PIEZO1: variants seen among roughly 807,000 people sequenced by gnomAD.
The protein encoded by PIEZO1 is piezo type mechanosensitive ion channel component 1 (Er blood group), also known as piezo-type mechanosensitive ion channel component 1.
Under a neutral mutation model 297.2 loss-of-function variants are expected in PIEZO1, and 296 were observed. That is an observed-to-expected ratio of 1.00 (90% confidence interval 0.91 to 1.10). The LOEUF is 1.10. Among genes scored for constraint, PIEZO1 ranks in the 50% least tolerant of loss-of-function variants. The pLI is 0.00. For missense variants in PIEZO1, 5,018 were observed against 3,455.5 expected, an observed-to-expected ratio of 1.45 and a Z score of -11.34; for synonymous variants, 2,427 against 1,507.5, an observed-to-expected ratio of 1.61 and a Z score of -14.13.
Position 88,727,066 on chromosome 16 carries a change from T to G in PIEZO1, c.3428A>C (p.Asn1143Thr). 1 of 1,549,432 alleles carries G rather than the reference T, an allele frequency of 6.5e-7. No homozygotes were observed. The highest frequency in any genetic ancestry group is 8.7e-7 in the Non-Finnish European group (1 of 1,146,292). ...GCAGTGGATAAAGTTGGGCACGGGG[T>G]TGGGCTCCCCCCGCAGCGGCTCCAG... ...DRLEPLRGEP[N>T]PVPNFIHCRS... Residue 1143 changes from asparagine (N) to threonine (T), a missense_variant, in exon 24 of 51, where the codon AAC becomes ACC. Transcript: ENST00000301015.
At chr16:88,768,222 C>T (rs1567692795) in intron 1 of PIEZO1, among the ~76,000 whole-genome samples, 1 of 152,236 alleles carries the variant, frequency 6.6e-6, no homozygotes, top group Non-Finnish European at 1.5e-5. Context: ...GGCACACTGC[C>T]TGGGCCTCGC....
Position 88,716,293 on chromosome 16 carries a change from G to A in PIEZO1, c.7050-16C>T. The A allele has an allele frequency of 1.3e-6, 2 of 1,489,134 alleles. No homozygotes were observed. The highest frequency in any genetic ancestry group is 1.4e-5 in the African/African-American group (1 of 71,658). The allele number at this position is 1,489,134 out of a possible 1,614,324, so 92.2% of individuals were successfully genotyped here. On this transcript the variant is annotated splice_polypyrimidine_tract_variant and intron_variant, in intron 48 of 50. Coordinates refer to ENST00000301015, the MANE Select transcript of PIEZO1 (RefSeq NM_001142864.4). ...AGGGATGACCCTGCAGGGAGGTGCTGGCAGGTCAGGCCTGGCCCAGCCAAC... is the reference window on the plus strand; with the variant it reads ...AGGGATGACCCTGCAGGGAGGTGCTAGCAGGTCAGGCCTGGCCCAGCCAAC...
At chr16:88,752,673 G>A (rs1459677547) in intron 1 of PIEZO1, among the ~76,000 whole-genome samples, 1 of 152,104 alleles carries the variant, frequency 6.6e-6, no homozygotes, top group Non-Finnish European at 1.5e-5. Flanking sequence ...CCCTGCCCCT[G>A]GCCGAGCCAG....
At chr16:88,780,577 C>T (rs1377758560) in intron 1 of PIEZO1, among the ~76,000 whole-genome samples, 1 of 152,240 alleles carries the variant, frequency 6.6e-6, no homozygotes, top group African/African-American at 2.4e-5. Context: ...GGCTTCTAAA[C>T]TGCTCTGTGA....
chr16:88,733,147 C>T lies in PIEZO1; in HGVS notation c.2664+131G>A, dbSNP rs930976555. 31 of 854,812 alleles carry T rather than the reference C, an allele frequency of 3.6e-5. 1 individual carries two copies. The highest frequency in any genetic ancestry group is 1.1e-4 in the Admixed American group (4 of 35,932). 53.0% of individuals were successfully genotyped at this position (854,812 alleles called of 1,614,324 possible). On this transcript the variant is annotated intron_variant, in intron 19 of 50. Transcript: ENST00000301015. ...TGCTGCCTCCAGGAAGCCCCCTTGG[C>T]GCCCCCAGGGGAGAGTCCTCCATCT...
At chr16:88,757,979 G>A (rs1357232446) in intron 1 of PIEZO1, among the ~76,000 whole-genome samples, 5 of 152,080 alleles carry the variant, frequency 3.3e-5, no homozygotes, top group East Asian at 1.9e-4. Context: ...ACACCCCTCC[G>A]CCACCCTCTG....
intron 1 of PIEZO1, among the ~76,000 whole-genome samples, chr16:88,757,050 T>C (rs1906698094): frequency 6.6e-6 from 1 of 152,130 alleles, no homozygotes; most frequent in African/African-American, 2.4e-5. Context: ...CACTCCAGCC[T>C]GGGCGACAGA....
At position 88,716,867 on chromosome 16, in the gene PIEZO1, G is replaced by C. The variant is rs575482829; in HGVS notation, c.6692C>G (p.Ser2231Cys). ...PLFTMSAQQP[S>C]IIPFTAQAYE... ...GGCCTGGGCCGTGAAGGGGATGATGGACGGCTGCTGGGCGCTCATGGTGAA... is the reference window on the plus strand; with the variant it reads ...GGCCTGGGCCGTGAAGGGGATGATGCACGGCTGCTGGGCGCTCATGGTGAA... The change falls in exon 46 of 51, where the codon TCC becomes TGC. Residue 2231 changes from serine (S) to cysteine (C), a missense_variant. Ser to Cys is a moderately radical substitution (Grantham distance 112, BLOSUM62 -1). Transcript: ENST00000301015. 8 of 1,549,940 alleles carry C rather than the reference G, an allele frequency of 5.2e-6. No individual in the cohort carries two copies. In the African/African-American group the frequency reaches 9.6e-5, roughly 19 times the overall value.
intron 1 of PIEZO1, among the ~76,000 whole-genome samples, chr16:88,771,268 C>T (rs142753461): frequency 1.5e-3 from 225 of 152,352 alleles, no homozygotes; most frequent in African/African-American, 5.0e-3. Context: ...CTCTTAAGGA[C>T]GAAGTGCTGG....
In PIEZO1 at chr16:88,715,959, C is replaced by G; in HGVS notation, c.7290G>C (p.Pro2430=). The G allele has an allele frequency of 6.5e-7, 1 of 1,549,870 alleles. No individual in the cohort carries two copies. Among genetic ancestry groups the G allele is most frequent in the Non-Finnish European group, 8.7e-7 (1 of 1,146,658 alleles). ...CGTAGCCAGCCAGGAAGCCGAGGCTCGGTGGGCTGACCTTGTCACTGAAAA... is the reference window on the plus strand; with the variant it reads ...CGTAGCCAGCCAGGAAGCCGAGGCTGGGTGGGCTGACCTTGTCACTGAAAA... The part of the protein sequence containing the change: ...MVIFSDKVSP[P]SLGFLAGYGI... Residue 2430 remains proline, a synonymous_variant, in exon 50 of 51, where the codon CCG becomes CCC. Coordinates refer to ENST00000301015, the MANE Select transcript of PIEZO1 (RefSeq NM_001142864.4).
intron 1 of PIEZO1, among the ~76,000 whole-genome samples, chr16:88,782,950 C>T (rs1049442683): frequency 1.8e-4 from 27 of 152,340 alleles, no homozygotes; most frequent in Non-Finnish European, 3.5e-4. Context: ...TCCCCAGACA[C>T]AGAATCAGTG....
In PIEZO1 at chr16:88,725,621, C is replaced by T; in HGVS notation, c.4032G>A (p.Glu1344=). Residue 1344 remains glutamate (E), a synonymous_variant, in exon 28 of 51, where the codon GAG becomes GAA. Transcript: ENST00000301015. Reference sequence around the variant, plus strand: ...GTCTTTTCAGCTGGGCCAGGGACTTCTCCTCTATCCTGCGGTGAAAGTCAA... The same window carrying T: ...GTCTTTTCAGCTGGGCCAGGGACTTTTCCTCTATCCTGCGGTGAAAGTCAA... ...KSIDFHRRIE[E]KSLAQLKRQM... 6.5e-7 allele frequency: 1 copy of T among 1,549,624 alleles called. No individual in the cohort carries two copies. The highest frequency in any genetic ancestry group is 8.7e-7 in the Non-Finnish European group (1 of 1,146,086).
At chr16:88,778,523 G>C (rs1279123772) in intron 1 of PIEZO1, among the ~76,000 whole-genome samples, 1 of 152,148 alleles carries the variant, frequency 6.6e-6, no homozygotes, top group African/African-American at 2.4e-5. Flanking sequence ...CTCGGCAAAG[G>C]TTCCTGAGAC....
intron 1 of PIEZO1, among the ~76,000 whole-genome samples, chr16:88,760,515 G>C (rs1175710462): frequency 6.6e-6 from 1 of 152,268 alleles, no homozygotes; most frequent in African/African-American, 2.4e-5. Flanking sequence ...GCAACAGTGG[G>C]ACGTGGCCAC....
At chr16:88,743,656 T>C (rs777407338) in intron 2 of PIEZO1, 4 of 456,554 alleles carry the variant, frequency 8.8e-6, no homozygotes, top group South Asian at 3.1e-5. Context: ...CAGCCCCCTC[T>C]TTCTGGAGCA....
intron 1 of PIEZO1, among the ~76,000 whole-genome samples, chr16:88,765,945 G>A (rs1375945292): frequency 3.3e-5 from 5 of 152,214 alleles, no homozygotes; most frequent in South Asian, 2.1e-4. Flanking sequence ...AGGTGCTGGG[G>A]ATACAGGTGT....
intron 1 of PIEZO1, among the ~76,000 whole-genome samples, chr16:88,757,711 G>C (rs1906744287): frequency 6.6e-6 from 1 of 152,142 alleles, no homozygotes; most frequent in Non-Finnish European, 1.5e-5. Context: ...CTGCGGGCCG[G>C]AGCTGGGCCA....
chr16:88,762,657 C>A (rs1906986544), intron 1 of PIEZO1, among the ~76,000 whole-genome samples: 1 of 152,218 alleles, frequency 6.6e-6, no homozygotes, highest in African/African-American at 2.4e-5. Flanking sequence ...CGGCAGCCCA[C>A]AAGTGCTGTG....
rs924952057 is a variant in PIEZO1, at chr16:88,732,359, G to A, written c.2967C>T (p.Phe989=). The change falls in exon 21 of 51, where the codon TTC becomes TTT. Residue 989 remains phenylalanine (F), a synonymous_variant. Coordinates refer to ENST00000301015, the MANE Select transcript of PIEZO1 (RefSeq NM_001142864.4). ...LLGCLKYFIN[F]FFYKFGLEIC... ...CCTCCAGCCCGAATTTGTAGAAGAA[G>A]AAGTTGATGAAGTACTTGAGGCAGC... 6.5e-6 allele frequency: 10 copies of A among 1,549,504 alleles called. No individual in the cohort carries two copies. Among genetic ancestry groups the A allele is most frequent in the Middle Eastern group, 1.7e-4 (1 of 6,006 alleles).
Sources: allele counts gnomAD v4.1 joint callset (sites outside exome capture counted in the v4.1 genomes callset), GRCh38; gene constraint gnomAD v4.1.1; transcripts MANE v1.5; gene names NCBI Gene and HGNC (gene_info 2026-07-23, HGNC 2026-07-21).